Variants in WNT3 observed in about 807,000 individuals in gnomAD.
WNT3 encodes the protein Wnt family member 3, also known as proto-oncogene Wnt-3.
In WNT3, 7 loss-of-function variants were observed where a neutral mutation model predicts 34.2. That is an observed-to-expected ratio of 0.20 (90% CI 0.12 to 0.38). The LOEUF (loss-of-function observed/expected upper bound fraction) is 0.38. Among genes scored for constraint, WNT3 ranks in the 10% least tolerant of loss-of-function variants. The pLI, the probability that WNT3 is intolerant of heterozygous loss-of-function variation, is 1.00. For synonymous variants in WNT3, 212 were observed against 211.5 expected (o/e 1.00, Z -0.02); for missense variants, 267 against 499.8 (o/e 0.53, Z 4.44).
intron 1 of WNT3, among the ~76,000 whole-genome samples, chr17:46,779,305 G>A (rs187590879): frequency 8.9e-4 from 136 of 152,338 alleles, no homozygotes; most frequent in African/African-American, 3.1e-3. Flanking sequence ...GATCTGAGAT[G>A]ATGGCCAGGC....
intron 1 of WNT3, among the ~76,000 whole-genome samples, chr17:46,795,528 G>A (rs1336146088): frequency 2.0e-5 from 3 of 152,154 alleles, no homozygotes; most frequent in African/African-American, 7.2e-5. Flanking sequence ...ATCCAAAGCT[G>A]CGAGCCCTCA....
At chr17:46,795,215 C>T (rs1180172886) in intron 1 of WNT3, among the ~76,000 whole-genome samples, 1 of 152,184 alleles carries the variant, frequency 6.6e-6, no homozygotes, top group Non-Finnish European at 1.5e-5. Flanking sequence ...CCCATAAACA[C>T]CCTCTGGAAT....
intron 3 of WNT3, 104 bp downstream of exon 3, chr17:46,769,679 G>C (rs1186854627): frequency 6.7e-7 from 1 of 1,497,036 alleles, no homozygotes; most frequent in East Asian, 2.4e-5. Context: ...AGGAGCCCGC[G>C]ACCCACAGGG....
chr17:46,802,194 C>T (rs1290670391), intron 1 of WNT3, among the ~76,000 whole-genome samples: 2 of 152,150 alleles, frequency 1.3e-5, no homozygotes, highest in Non-Finnish European at 2.9e-5. Flanking sequence ...AGCTGGCAGC[C>T]CCTAGGCAGC....
intron 1 of WNT3, among the ~76,000 whole-genome samples, chr17:46,816,119 A>ACACACGCATG (rs11281201): frequency 9.3e-5 from 14 of 150,552 alleles, no homozygotes; most frequent in African/African-American, 3.2e-4. Context: ...ACGTACACAC[A>ACACACGCATG]CACACACACA....
chr17:46,799,048 A>G (rs77151486), intron 1 of WNT3, among the ~76,000 whole-genome samples: 4 of 100,216 alleles, frequency 4.0e-5, no homozygotes, highest in African/African-American at 8.9e-5. Context: ...CTCCGTCTCA[A>G]AAAAAAAAAA....
chr17:46,803,471 T>C (rs140054173), intron 1 of WNT3, among the ~76,000 whole-genome samples: 24 of 152,080 alleles, frequency 1.6e-4, no homozygotes, highest in African/African-American at 5.5e-4. Flanking sequence ...GAGGCAGAGG[T>C]TATAGTGAGA....
intron 1 of WNT3, among the ~76,000 whole-genome samples, chr17:46,783,262 C>T (rs184741141): frequency 3.9e-5 from 6 of 152,334 alleles, no homozygotes; most frequent in Admixed American, 1.3e-4. Flanking sequence ...GCCCAGTGGG[C>T]TCCTGTCTTG....
rs116613787 is a variant in WNT3, at chr17:46,808,359, C to T, written c.80+10159G>A. ...CGTTCACAAATAGTATCTATAAGCC[C>T]AAAGCATCAGCCTTTGAGTGGAAGG... On this transcript the variant is annotated intron_variant, in intron 1 of 4. Coordinates refer to ENST00000225512, the MANE Select transcript of WNT3 (RefSeq NM_030753.5). Among the ~76,000 whole-genome samples the T allele has an allele frequency of 2.9e-3, 441 of 152,314 alleles. 2 individuals carry two copies. The highest frequency in any genetic ancestry group is 0.01 in the African/African-American group (421 of 41,556).
chr17:46,816,961 G>GC (rs1311504501), intron 1 of WNT3, among the ~76,000 whole-genome samples: 1 of 152,216 alleles, frequency 6.6e-6, no homozygotes, highest in Non-Finnish European at 1.5e-5. Context: ...GTCCCTGGCT[G>GC]CCCTGGCCAC....
At chr17:46,794,148 G>A (rs2084023263) in intron 1 of WNT3, among the ~76,000 whole-genome samples, 2 of 152,076 alleles carry the variant, frequency 1.3e-5, no homozygotes, top group Non-Finnish European at 2.9e-5. Context: ...AAGTGAAGGA[G>A]GACATAGAAC....
chr17:46,782,201 A>G (rs1040518146), intron 1 of WNT3, among the ~76,000 whole-genome samples: 1 of 152,106 alleles, frequency 6.6e-6, no homozygotes, highest in Non-Finnish European at 1.5e-5. Context: ...AAATCTAACC[A>G]TCTGTGCCAG....
rs183354667 is a variant in WNT3, at chr17:46,762,905, C to T, written c.*1725G>A. 4 of 152,272 alleles carry T rather than the reference C, an allele frequency of 2.6e-5. No individual in the cohort carries two copies. The highest frequency in any genetic ancestry group is 1.9e-4 in the East Asian group (1 of 5,190). 9.4% of individuals were successfully genotyped at this position (152,272 alleles called of 1,614,324 possible). On this transcript the variant is annotated 3_prime_UTR_variant, in exon 5 of 5. Transcript: ENST00000225512. The stretch of plus-strand genomic sequence containing the variant: ...ATATGAAAAGATTGTTTTGAAAATT[C>T]GTATCCATTCTGCTGAAGTATTCTC...
At chr17:46,782,693 A>T (rs956297979) in intron 1 of WNT3, among the ~76,000 whole-genome samples, 2 of 152,208 alleles carry the variant, frequency 1.3e-5, no homozygotes, top group Non-Finnish European at 2.9e-5. Flanking sequence ...GATGCACCCA[A>T]CTACACCCAT....
At chr17:46,789,240 C>T (rs2083948050) in intron 1 of WNT3, among the ~76,000 whole-genome samples, 1 of 152,194 alleles carries the variant, frequency 6.6e-6, no homozygotes, top group South Asian at 2.1e-4. Context: ...TAGCACTGGC[C>T]ACCAGGGCTG....
intron 1 of WNT3, among the ~76,000 whole-genome samples, chr17:46,784,365 G>A (rs1328991065): frequency 3.3e-5 from 5 of 152,200 alleles, no homozygotes; most frequent in African/African-American, 1.2e-4. Flanking sequence ...ACAGAGCTGG[G>A]CCCAAGAGAG....
Position 46,763,879 on chromosome 17 carries a change from G to A in WNT3, c.*751C>T, listed in dbSNP as rs1239262809. 6.6e-6 allele frequency: 1 copy of A among 151,568 alleles called. No individual in the cohort carries two copies. Among genetic ancestry groups the A allele is most frequent in the Non-Finnish European group, 1.5e-5 (1 of 67,944 alleles). The allele number at this position is 151,568 out of a possible 1,614,324, so 9.4% of individuals were successfully genotyped here. ...ACAAAAAAAAAACTGCATTGACGGT[G>A]GAAACTGCAGAATGGTAGAAAAAGA... On this transcript the variant is annotated 3_prime_UTR_variant, in exon 5 of 5. Transcript: ENST00000225512.
At position 46,763,658 on chromosome 17, in the gene WNT3, C is replaced by T. The variant is rs550019492; in HGVS notation, c.*972G>A. The T allele has an allele frequency of 2.2e-4, 34 of 152,052 alleles. No individual in the cohort carries two copies. The highest frequency in any genetic ancestry group is 3.4e-3 in the Middle Eastern group (1 of 292). 9.4% of individuals were successfully genotyped at this position (152,052 alleles called of 1,614,324 possible). ...CTTTGTCTAACTTATACTAAGGTGA[C>T]CTGGAGTCCAACTGCTCTACCTGGA... On this transcript the variant is annotated 3_prime_UTR_variant, in exon 5 of 5. Coordinates refer to ENST00000225512, the MANE Select transcript of WNT3 (RefSeq NM_030753.5).
At chr17:46,775,164 G>C (rs1471196593) in intron 1 of WNT3, among the ~76,000 whole-genome samples, 1 of 152,228 alleles carries the variant, frequency 6.6e-6, no homozygotes, top group African/African-American at 2.4e-5. Context: ...AACTGTTACT[G>C]CTTGCCAGGC....
Sources: gnomAD v4.1 joint callset for allele counts (sites outside exome capture counted in the v4.1 genomes callset) on GRCh38, gnomAD v4.1.1 for gene constraint, MANE v1.5 for transcripts, NCBI Gene and HGNC (gene_info 2026-07-23, HGNC 2026-07-21) for gene names.